The following FGGY variants were observed in gnomAD, a reference collection of about 807,000 sequenced individuals.
FGGY encodes the protein FGGY carbohydrate kinase domain-containing protein.
FGGY carries 72 observed loss-of-function variants against 71.3 expected under a neutral mutation model. The ratio of observed to expected loss-of-function variants is 1.01; its 90% CI spans 0.84 to 1.23. The LOEUF is 1.23. Among genes scored for constraint, FGGY ranks in the 50% most tolerant of loss-of-function variants. FGGY has a pLI of 0.00. For synonymous variants in FGGY, 251 were observed against 250.3 expected (o/e 1.00, Z -0.02); for missense variants, 668 against 682.3 (o/e 0.98, Z 0.23).
chr1:59,637,375 G>A (rs761751180), intron 10 of FGGY, among the ~76,000 whole-genome samples: 1 of 152,178 alleles, frequency 6.6e-6, no homozygotes, highest in African/African-American at 2.4e-5. Context: ...GCTCACACCT[G>A]TAATCCTAGC....
At position 59,346,256 on chromosome 1, in the gene FGGY, A is replaced by G. The variant is rs201320585; in HGVS notation, c.323A>G (p.His108Arg). 5.9e-5 allele frequency: 95 copies of G among 1,612,798 alleles called. No individual in the cohort carries two copies. Among genetic ancestry groups the G allele is most frequent in the Admixed American group, 1.5e-4 (9 of 59,962 alleles). Residue 108 changes from histidine (H) to arginine (R), a missense_variant, in exon 4 of 16, where the codon CAT (histidine) becomes CGT (arginine). By Grantham distance (29) the His-to-Arg change is conservative (BLOSUM62 0). Coordinates refer to ENST00000303721, the MANE Select transcript of FGGY (RefSeq NM_018291.5). Reference sequence around the variant, plus strand: ...CTCTCGTTTCTGCTAGGGGATTCCCATCGAAACGTCATCATGTGGCTGGAC... The same window carrying G: ...CTCTCGTTTCTGCTAGGGGATTCCCGTCGAAACGTCATCATGTGGCTGGAC... ...PLPVNQEGDS[H>R]RNVIMWLDHR...
intron 9 of FGGY, among the ~76,000 whole-genome samples, chr1:59,622,649 GCT>G (rs1292343918): frequency 6.6e-6 from 1 of 152,004 alleles, no homozygotes; most frequent in African/African-American, 2.4e-5. Flanking sequence ...CCTTTCTATG[GCT>G]CTCTCTTTCT....
At chr1:59,480,591 T>C (rs969891997) in intron 6 of FGGY, among the ~76,000 whole-genome samples, 1 of 151,802 alleles carries the variant, frequency 6.6e-6, no homozygotes, top group Non-Finnish European at 1.5e-5. Flanking sequence ...AAAATGAGAG[T>C]TGTGTTATTT....
At chr1:59,603,802 A>G (rs1395547575) in intron 8 of FGGY, among the ~76,000 whole-genome samples, 2 of 152,212 alleles carry the variant, frequency 1.3e-5, no homozygotes, top group East Asian at 1.9e-4. Flanking sequence ...CAGTTTGAGT[A>G]AGTCTGTGTT....
chr1:59,569,003 G>T (rs1225882016), intron 8 of FGGY, among the ~76,000 whole-genome samples: 1 of 152,082 alleles, frequency 6.6e-6, no homozygotes, highest in Non-Finnish European at 1.5e-5. Context: ...AAAAAAAAAG[G>T]CTGCTCATTT....
chr1:59,522,009 C>T (rs998226526), intron 7 of FGGY, among the ~76,000 whole-genome samples: 6 of 152,220 alleles, frequency 3.9e-5, no homozygotes, highest in African/African-American at 1.2e-4. Flanking sequence ...CGAGTTCCTT[C>T]CAAAGAGCTC....
At chr1:59,441,193 G>T (rs552285408) in intron 5 of FGGY, among the ~76,000 whole-genome samples, 1 of 151,978 alleles carries the variant, frequency 6.6e-6, no homozygotes, top group African/African-American at 2.4e-5. Context: ...TAGTACTCAC[G>T]TCTATCTATC....
chr1:59,402,611 A>C (rs918683897), intron 5 of FGGY, among the ~76,000 whole-genome samples: 3 of 152,212 alleles, frequency 2.0e-5, no homozygotes, highest in Admixed American at 6.5e-5. Flanking sequence ...TTATTGGTAC[A>C]TATTGCTTAG....
chr1:59,389,681 TC>T (rs1211406367), intron 5 of FGGY, among the ~76,000 whole-genome samples: 1 of 152,194 alleles, frequency 6.6e-6, no homozygotes, highest in Non-Finnish European at 1.5e-5. Context: ...CTATGGCTGC[TC>T]CATTTTACAT....
At chr1:59,534,312 C>T (rs2095251628) in intron 7 of FGGY, among the ~76,000 whole-genome samples, 1 of 152,060 alleles carries the variant, frequency 6.6e-6, no homozygotes, top group African/African-American at 2.4e-5. Flanking sequence ...ACAAAGCCTC[C>T]AAGAAATATG....
At chr1:59,746,028 C>T (rs914956489) in intron 14 of FGGY, among the ~76,000 whole-genome samples, 5 of 151,964 alleles carry the variant, frequency 3.3e-5, no homozygotes, top group Admixed American at 6.6e-5. Flanking sequence ...ATTTTGAAAC[C>T]GTCTAACAGT....
At chr1:59,628,872 C>A (rs2096882936) in intron 10 of FGGY, among the ~76,000 whole-genome samples, 1 of 152,100 alleles carries the variant, frequency 6.6e-6, no homozygotes, top group Non-Finnish European at 1.5e-5. Flanking sequence ...ATTTACTTAA[C>A]CTCTGTGCCT....
chr1:59,626,054 C>A lies in FGGY; in HGVS notation c.1073+5C>A, dbSNP rs2096853333. ...ACAAGTAAAGGCCACAGCCAGGTAACTGCTGTCTCTGTTCCCTCTAAAATT... is the reference window on the plus strand; with the variant it reads ...ACAAGTAAAGGCCACAGCCAGGTAAATGCTGTCTCTGTTCCCTCTAAAATT... On this transcript the variant is annotated splice_donor_5th_base_variant and intron_variant, in intron 10 of 15. Coordinates refer to ENST00000303721, the MANE Select transcript of FGGY (RefSeq NM_018291.5). The A allele has an allele frequency of 1.9e-6, 3 of 1,612,312 alleles. No homozygotes were observed. The highest frequency in any genetic ancestry group is 2.2e-5 in the East Asian group (1 of 44,850).
chr1:59,618,142 A>T lies in FGGY; in HGVS notation c.1012-7846A>T, dbSNP rs114242155. On this transcript the variant is annotated intron_variant, in intron 9 of 15. Coordinates refer to ENST00000303721, the MANE Select transcript of FGGY (RefSeq NM_018291.5). ...TCACTCCAGTCATCCACCATCAAAT[A>T]AGAAAGTTGGATACAGAACTGATCA... Among the ~76,000 whole-genome samples the T allele has an allele frequency of 4.6e-3, 694 of 152,228 alleles. 3 individuals are homozygous for T. Among genetic ancestry groups the T allele is most frequent in the African/African-American group, 0.015 (625 of 41,542 alleles).
intron 5 of FGGY, among the ~76,000 whole-genome samples, chr1:59,403,927 A>G (rs1265760499): frequency 2.0e-5 from 3 of 152,208 alleles, no homozygotes; most frequent in Non-Finnish European, 4.4e-5. Context: ...GGTGGTTGTG[A>G]GAACCTGAAT....
intron 14 of FGGY, among the ~76,000 whole-genome samples, chr1:59,713,927 A>G (rs2097821921): frequency 6.6e-6 from 1 of 152,236 alleles, no homozygotes; most frequent in African/African-American, 2.4e-5. Context: ...CTTTCAGAAG[A>G]AGCAACACAG....
intron 8 of FGGY, among the ~76,000 whole-genome samples, chr1:59,554,826 A>G (rs1464986532): frequency 6.6e-6 from 1 of 152,204 alleles, no homozygotes; most frequent in East Asian, 1.9e-4. Flanking sequence ...GTCTGAAAGC[A>G]TTCCATTCCG....
At chr1:59,743,002 T>C (rs1558967637) in intron 14 of FGGY, among the ~76,000 whole-genome samples, 1 of 152,196 alleles carries the variant, frequency 6.6e-6, no homozygotes, top group Non-Finnish European at 1.5e-5. Flanking sequence ...TCACTCTTGC[T>C]TAAAACTCTC....
chr1:59,684,471 AG>A (rs1393901678), intron 14 of FGGY, among the ~76,000 whole-genome samples: 1 of 152,190 alleles, frequency 6.6e-6, no homozygotes, highest in Non-Finnish European at 1.5e-5. Context: ...GGGACCCCCC[AG>A]GCCTATGCTC....
Sources: gnomAD v4.1 joint callset for allele counts (sites outside exome capture counted in the v4.1 genomes callset) on GRCh38, gnomAD v4.1.1 for gene constraint, MANE v1.5 for transcripts, NCBI Gene and HGNC (gene_info 2026-07-23, HGNC 2026-07-21) for gene names.